TRAF3: variants seen among roughly 807,000 people sequenced by gnomAD.
TRAF3 encodes the protein TNF receptor-associated factor 3.
A neutral mutation model predicts 62.3 loss-of-function variants in TRAF3; 13 were observed. The ratio of observed to expected loss-of-function variants is 0.21; its 90% CI spans 0.14 to 0.33. TRAF3 has a LOEUF of 0.33. Ranked by LOEUF, TRAF3 falls within the 10% of genes least tolerant of loss-of-function variation. TRAF3 has a pLI of 1.00. For synonymous variants in TRAF3, 269 were observed against 283.4 expected (o/e 0.95, Z 0.51); for missense variants, 440 against 741.8 (o/e 0.59, Z 4.73).
intron 2 of TRAF3, among the ~76,000 whole-genome samples, chr14:102,867,240 C>T (rs112040471): frequency 1.3e-5 from 2 of 152,176 alleles, no homozygotes; most frequent in South Asian, 2.1e-4. Flanking sequence ...CTTTCTGTTA[C>T]GGGCAAGAGA....
At chr14:102,809,765 C>T (rs1372891037) in intron 1 of TRAF3, among the ~76,000 whole-genome samples, 3 of 150,214 alleles carry the variant, frequency 2.0e-5, no homozygotes, top group Admixed American at 6.6e-5. Flanking sequence ...CTCCTGACCT[C>T]GTGATCTGCC....
chr14:102,820,897 A>G (rs1011858784), intron 1 of TRAF3, among the ~76,000 whole-genome samples: 4 of 151,660 alleles, frequency 2.6e-5, no homozygotes, highest in Non-Finnish European at 4.4e-5. Context: ...AGCCTCCCAA[A>G]GTGCTGAGAT....
At chr14:102,881,518 TATAAG>T (rs761026542) in intron 6 of TRAF3, among the ~76,000 whole-genome samples, 31 of 152,066 alleles carry the variant, frequency 2.0e-4, no homozygotes, top group Non-Finnish European at 3.4e-4. Context: ...TGTTCTCACT[TATAAG>T]AGAGAGCTGA....
In TRAF3 at chr14:102,885,315, CAA is replaced by C. The variant is rs539540840; in HGVS notation, c.571-871_571-870del. On this transcript the variant is annotated intron_variant, in intron 6 of 11. Transcript: ENST00000392745. The stretch of plus-strand genomic sequence containing the variant: ...GCAGAACAGCAACATAACTGGAGGC[CAA>C]AAGAGGACCTGAAAAGATGGATGGG... Among the ~76,000 whole-genome samples, 685 of 152,330 alleles carry C rather than the reference CAA, an allele frequency of 4.5e-3. 7 individuals carry two copies. The highest frequency in any genetic ancestry group is 0.016 in the African/African-American group (670 of 41,574).
intron 10 of TRAF3, among the ~76,000 whole-genome samples, chr14:102,901,787 TAAC>T (rs1261650190): frequency 6.6e-6 from 1 of 152,242 alleles, no homozygotes; most frequent in East Asian, 1.9e-4. Flanking sequence ...TTGTGGTTAA[TAAC>T]AGCCAGCAAA....
chr14:102,896,966 C>G (rs566101393), intron 9 of TRAF3, among the ~76,000 whole-genome samples: 11 of 152,178 alleles, frequency 7.2e-5, no homozygotes, highest in African/African-American at 2.7e-4. Flanking sequence ...CTAGCTTACT[C>G]AAGAGGCTGA....
intron 11 of TRAF3, among the ~76,000 whole-genome samples, chr14:102,904,888 G>T (rs957385506): frequency 1.3e-5 from 2 of 151,154 alleles, no homozygotes; most frequent in Admixed American, 6.6e-5. Context: ...GAGGCAGGTG[G>T]ATCACCTGAG....
intron 4 of TRAF3, among the ~76,000 whole-genome samples, chr14:102,875,028 A>C: frequency 6.6e-6 from 1 of 152,190 alleles, no homozygotes; most frequent in Non-Finnish European, 1.5e-5. Context: ...GTTTAAAGAG[A>C]GTGTTTTTCA....
intron 1 of TRAF3, among the ~76,000 whole-genome samples, chr14:102,783,078 C>T (rs534074695): frequency 6.6e-6 from 1 of 152,156 alleles, no homozygotes; most frequent in African/African-American, 2.4e-5. Flanking sequence ...TTAGGCCTTC[C>T]CTCCTTCCAC....
intron 1 of TRAF3, among the ~76,000 whole-genome samples, chr14:102,787,386 T>C (rs909304872): frequency 6.6e-6 from 1 of 152,184 alleles, no homozygotes; most frequent in African/African-American, 2.4e-5. Flanking sequence ...AATAATATTC[T>C]TCAATTTGGG....
At chr14:102,808,045 A>G (rs998059260) in intron 1 of TRAF3, among the ~76,000 whole-genome samples, 1 of 152,206 alleles carries the variant, frequency 6.6e-6, no homozygotes, top group African/African-American at 2.4e-5. Context: ...GAAGGAATGC[A>G]TGGATGGAAT....
chr14:102,864,028 G>A (rs1887830254), intron 2 of TRAF3, among the ~76,000 whole-genome samples: 1 of 152,146 alleles, frequency 6.6e-6, no homozygotes, highest in Non-Finnish European at 1.5e-5. Flanking sequence ...CATGGAACTC[G>A]CGGTTCTTGC....
At chr14:102,854,595 G>T (rs554118663) in intron 2 of TRAF3, among the ~76,000 whole-genome samples, 1 of 152,214 alleles carries the variant, frequency 6.6e-6, no homozygotes, top group East Asian at 1.9e-4. Context: ...CACCTCCTGG[G>T]CTCAAGTGAT....
intron 1 of TRAF3, among the ~76,000 whole-genome samples, chr14:102,807,118 G>A (rs8009520): frequency 0.51 from 77,398 of 151,278 alleles, 22,477 homozygotes; most frequent in South Asian, 0.74. Context: ...TTTTCTCCAG[G>A]CCTTTCTCCA....
intron 9 of TRAF3, among the ~76,000 whole-genome samples, chr14:102,893,597 T>C: frequency 6.6e-6 from 1 of 152,138 alleles, no homozygotes; most frequent in Non-Finnish European, 1.5e-5. Context: ...GTTTGCATCA[T>C]TGGAAACCCC....
intron 1 of TRAF3, among the ~76,000 whole-genome samples, chr14:102,796,244 C>T (rs191985457): frequency 3.3e-5 from 5 of 152,284 alleles, no homozygotes; most frequent in Admixed American, 2.0e-4. Context: ...TCAAGGACAG[C>T]GTTCAAGAGC....
chr14:102,803,966 G>T (rs1324810754), intron 1 of TRAF3, among the ~76,000 whole-genome samples: 1 of 152,186 alleles, frequency 6.6e-6, no homozygotes, highest in Non-Finnish European at 1.5e-5. Context: ...GAGAGGCTCA[G>T]GCCGGAGGGT....
At chr14:102,858,974 T>G (rs1197142118) in intron 2 of TRAF3, among the ~76,000 whole-genome samples, 3 of 152,198 alleles carry the variant, frequency 2.0e-5, no homozygotes, top group African/African-American at 7.2e-5. Context: ...CCTTTACAAA[T>G]TTTTGTTAAA....
intron 1 of TRAF3, among the ~76,000 whole-genome samples, chr14:102,822,731 C>G (rs532854961): frequency 6.6e-6 from 1 of 152,154 alleles, no homozygotes; most frequent in African/African-American, 2.4e-5. Flanking sequence ...GCTGGCCGGG[C>G]GCTGTGGCTT....
Sources: allele counts gnomAD v4.1 joint callset (sites outside exome capture counted in the v4.1 genomes callset), GRCh38; gene constraint gnomAD v4.1.1; transcripts MANE v1.5; gene names NCBI Gene and HGNC (gene_info 2026-07-23, HGNC 2026-07-21).